Variants in PIEZO2 observed in about 807,000 individuals in gnomAD.
PIEZO2 encodes piezo-type mechanosensitive ion channel component 2.
PIEZO2 carries 172 observed loss-of-function variants against 337.3 expected under a neutral mutation model. The ratio of observed to expected loss-of-function variants is 0.51; its 90% CI spans 0.45 to 0.58. PIEZO2 has a LOEUF of 0.58. PIEZO2 is among the 20% of genes least tolerant of loss of function. PIEZO2 has a pLI of 0.00. For synonymous variants in PIEZO2, 1,251 were observed against 1,228.5 expected (o/e 1.02, Z -0.38); for missense variants, 3,028 against 3,391.3 (o/e 0.89, Z 2.66).
chr18:11,124,592 G>A (rs1470631285), intron 1 of PIEZO2, among the ~76,000 whole-genome samples: 3 of 152,138 alleles, frequency 2.0e-5, no homozygotes, highest in African/African-American at 7.2e-5. Flanking sequence ...GACTTGGGGA[G>A]CACCACTCAC....
chr18:10,686,417 C>T (rs1444242173), intron 49 of PIEZO2, among the ~76,000 whole-genome samples: 2 of 152,186 alleles, frequency 1.3e-5, no homozygotes, highest in African/African-American at 2.4e-5. Context: ...GTAGCTTAAG[C>T]TCCAGAGAGT....
chr18:10,913,206 G>A (rs2030635497), intron 3 of PIEZO2, among the ~76,000 whole-genome samples: 1 of 152,146 alleles, frequency 6.6e-6, no homozygotes, highest in African/African-American at 2.4e-5. Flanking sequence ...GTAATTCTCA[G>A]ACAATTATCC....
rs2039108590 is a variant in PIEZO2, at chr18:11,092,071, A to T, written c.65-25849T>A. On this transcript the variant is annotated intron_variant, in intron 1 of 55. Transcript: ENST00000674853. This position sits in a 1 kb window ranked among gnomAD's most constrained non-coding sequence, Gnocchi z 4.5. ...AATGTGGTCTTTGATGCAAGGCTTA[A>T]TTTCACTCAGAGAGGTGGCTAAAAG... Among the ~76,000 whole-genome samples, 1 of 152,212 alleles carries T rather than the reference A, an allele frequency of 6.6e-6. No individual in the cohort carries two copies. Among genetic ancestry groups the T allele is most frequent in the Non-Finnish European group, 1.5e-5 (1 of 68,044 alleles).
chr18:10,815,951 T>C lies in PIEZO2; in HGVS notation c.918-8677A>G, dbSNP rs1449510802. On this transcript the variant is annotated intron_variant, in intron 7 of 55. Coordinates refer to ENST00000674853, the MANE Select transcript of PIEZO2 (RefSeq NM_001378183.1). This position sits in a 1 kb window ranked among gnomAD's most constrained non-coding sequence, Gnocchi z 4.1. The stretch of plus-strand genomic sequence containing the variant: ...TTGCACCCAGCACACGTCAGTGGAG[T>C]GGAAACATCATCAGTGCAATAAAAA... 6.6e-6 allele frequency among the ~76,000 whole-genome samples: 1 copy of C among 151,812 alleles called. No individual in the cohort carries two copies. The highest frequency in any genetic ancestry group is 1.5e-5 in the Non-Finnish European group (1 of 67,978).
chr18:10,995,077 C>CAAAAAAAAAA (rs767666232), intron 2 of PIEZO2, among the ~76,000 whole-genome samples: 1 of 28,308 alleles, frequency 3.5e-5, no homozygotes, highest in African/African-American at 1.4e-4. Context: ...GACTCCGTCT[C>CAAAAAAAAAA]AAAAAAAAAA....
intron 36 of PIEZO2, chr18:10,728,487 GC>G (rs1254973076): frequency 6.6e-6 from 1 of 152,156 alleles, no homozygotes; most frequent in South Asian, 2.1e-4. Flanking sequence ...AAATCCGGAA[GC>G]AACCTTATGT....
chr18:11,142,826 C>G (rs2040692305), intron 1 of PIEZO2, among the ~76,000 whole-genome samples: 2 of 149,390 alleles, frequency 1.3e-5, no homozygotes, highest in African/African-American at 4.9e-5. Flanking sequence ...CACCTGTAAT[C>G]CCAGTACTTT....
intron 5 of PIEZO2, among the ~76,000 whole-genome samples, chr18:10,864,410 A>G (rs1175900621): frequency 6.6e-6 from 1 of 152,192 alleles, no homozygotes; most frequent in Non-Finnish European, 1.5e-5. Flanking sequence ...ATAAGGTCCT[A>G]AGGACATTGA....
At chr18:10,886,913 A>G (rs2042622686) in intron 4 of PIEZO2, among the ~76,000 whole-genome samples, 1 of 152,086 alleles carries the variant, frequency 6.6e-6, no homozygotes, top group Non-Finnish European at 1.5e-5. Context: ...AAGGCTTTAC[A>G]GGAACCACGG....
At position 10,797,457 on chromosome 18, in the gene PIEZO2, T is replaced by C; in HGVS notation, c.1444A>G (p.Arg482Gly). Residue 482 changes from arginine (R) to glycine (G), a missense_variant, in exon 12 of 56, where the codon AGA becomes GGA. By Grantham distance (125) the Arg-to-Gly change is moderately radical. Coordinates refer to ENST00000674853, the MANE Select transcript of PIEZO2 (RefSeq NM_001378183.1). ...ACCATGGCATGAACTTTGATACTTC[T>C]TTTTTCCTCACGGCTCCTTTCTTCT... Reference protein sequence around the residue: ...FEEERSREEKRSIKVHAMVSV... With the variant: ...FEEERSREEKGSIKVHAMVSV... 1 of 1,537,204 alleles carries C rather than the reference T, an allele frequency of 6.5e-7. No individual in the cohort carries two copies. The highest frequency in any genetic ancestry group is 1.7e-4 in the Middle Eastern group (1 of 5,990).
chr18:10,734,786 G>A (rs565252601), intron 35 of PIEZO2, among the ~76,000 whole-genome samples: 102 of 152,238 alleles, frequency 6.7e-4, no homozygotes, highest in Admixed American at 3.0e-3. Context: ...ACTGGAAGAC[G>A]GAGACTGAAA....
chr18:11,142,034 T>A (rs1201325406), intron 1 of PIEZO2, among the ~76,000 whole-genome samples: 1 of 152,132 alleles, frequency 6.6e-6, no homozygotes, highest in Non-Finnish European at 1.5e-5. Context: ...AATATCCTAG[T>A]TTAATGCAGA....
chr18:11,067,961 C>G (rs1286467594), intron 1 of PIEZO2, among the ~76,000 whole-genome samples: 2 of 152,058 alleles, frequency 1.3e-5, no homozygotes, highest in Non-Finnish European at 2.9e-5. Flanking sequence ...TTGCTCTGTC[C>G]CCCAGGCTGC....
rs952687017 is a variant in PIEZO2 at position 10,894,994 on chromosome 18, G to C, written c.329+16192C>G. ...CACAATCCCTCCCTCTCTTTCCTGA[G>C]ATGAGAGTCTGTAATGAAGAATTTG... On this transcript the variant is annotated intron_variant, in intron 4 of 55. Transcript: ENST00000674853. This position sits in a 1 kb window ranked among gnomAD's most constrained non-coding sequence, Gnocchi z 4.1. Among the ~76,000 whole-genome samples, 3 of 152,342 alleles carry C rather than the reference G, an allele frequency of 2.0e-5. No homozygotes were observed. The East Asian group carries it at 5.8e-4, about 29-fold the overall frequency.
At position 11,048,319 on chromosome 18, in the gene PIEZO2, C is replaced by G. The variant is rs2037394229; in HGVS notation, c.160+17808G>C. On this transcript the variant is annotated intron_variant, in intron 2 of 55. Transcript: ENST00000674853. This position sits in a 1 kb window ranked among gnomAD's most constrained non-coding sequence, Gnocchi z 4.5. The stretch of plus-strand genomic sequence containing the variant: ...GACCCACAAGATTGAAAAGACCTGT[C>G]TTACGGTTACTCATGGCTCTGGGGC... Among the ~76,000 whole-genome samples, 1 of 152,170 alleles carries G rather than the reference C, an allele frequency of 6.6e-6. No individual in the cohort carries two copies. The highest frequency in any genetic ancestry group is 1.5e-5 in the Non-Finnish European group (1 of 68,046).
chr18:10,841,729 G>C (rs2041198492), intron 7 of PIEZO2, among the ~76,000 whole-genome samples: 1 of 152,152 alleles, frequency 6.6e-6, no homozygotes, highest in Admixed American at 6.6e-5. Flanking sequence ...GTAACTTAAA[G>C]CCATGTGGAG....
intron 1 of PIEZO2, among the ~76,000 whole-genome samples, chr18:11,122,439 C>T (rs188045283): frequency 1.2e-3 from 188 of 152,244 alleles, no homozygotes; most frequent in East Asian, 0.01. Context: ...ACAAATTTTA[C>T]CTGAAAAATT....
intron 42 of PIEZO2, 163 bp downstream of exon 42, chr18:10,704,231 T>G (rs2035467578): frequency 1.0e-6 from 1 of 991,502 alleles, no homozygotes; most frequent in Non-Finnish European, 1.4e-6. Flanking sequence ...CTGTTGCTGC[T>G]GACGATTTGT....
intron 1 of PIEZO2, among the ~76,000 whole-genome samples, chr18:11,147,904 G>A (rs1325536379): frequency 6.6e-6 from 1 of 152,272 alleles, no homozygotes; most frequent in Non-Finnish European, 1.5e-5. Flanking sequence ...CCGCTGGGAG[G>A]CGGGACTAGG....
Sources: gnomAD v4.1 joint callset for allele counts (sites outside exome capture counted in the v4.1 genomes callset) on GRCh38, gnomAD v4.1.1 for gene constraint, Gnocchi (gnomAD v3.1) non-coding constraint, MANE v1.5 for transcripts, NCBI Gene and HGNC (gene_info 2026-07-23, HGNC 2026-07-21) for gene names.